MAML1: variants seen among roughly 807,000 people sequenced by gnomAD.
MAML1 encodes the protein mastermind like transcriptional coactivator 1, also known as mastermind-like protein 1.
A neutral mutation model predicts 77.1 loss-of-function variants in MAML1; 14 were observed. The ratio of observed to expected loss-of-function variants is 0.18; its 90% CI spans 0.12 to 0.28. The LOEUF (loss-of-function observed/expected upper bound fraction) is 0.28, where lower values mean the gene tolerates loss of function less well. Ranked by LOEUF, MAML1 falls within the 10% of genes least tolerant of loss-of-function variation. The pLI, the probability that MAML1 is intolerant of heterozygous loss-of-function variation, is 1.00. For missense variants in MAML1, 1,217 were observed against 1,327.8 expected (o/e 0.92, Z 1.30); for synonymous variants, 516 against 551.9 (o/e 0.93, Z 0.91).
chr5:179,761,237 C>CA (rs1310272910), intron 1 of MAML1, among the ~76,000 whole-genome samples: 2 of 151,394 alleles, frequency 1.3e-5, no homozygotes, highest in Non-Finnish European at 2.9e-5. Flanking sequence ...TCCACAAAAG[C>CA]AAAAAAATTA....
At chr5:179,768,140 T>C (rs1362662708) in intron 2 of MAML1, among the ~76,000 whole-genome samples, 1 of 152,224 alleles carries the variant, frequency 6.6e-6, no homozygotes, top group African/African-American at 2.4e-5. Flanking sequence ...GTGGTCTCCA[T>C]TGACCAAAGC....
At chr5:179,759,477 T>G (rs1779685174) in intron 1 of MAML1, among the ~76,000 whole-genome samples, 1 of 152,232 alleles carries the variant, frequency 6.6e-6, no homozygotes, top group African/African-American at 2.4e-5. Context: ...AGCACATGAC[T>G]TAAGTCAGGA....
intron 1 of MAML1, among the ~76,000 whole-genome samples, chr5:179,748,780 A>G (rs1779430576): frequency 6.6e-6 from 1 of 152,226 alleles, no homozygotes; most frequent in Non-Finnish European, 1.5e-5. Context: ...GGAGGGTACC[A>G]GGTCACATAT....
chr5:179,771,054 T>C lies in MAML1; in HGVS notation c.1972-93T>C. 1.1e-6 allele frequency: 1 copy of C among 902,748 alleles called. No individual in the cohort carries two copies. The highest frequency in any genetic ancestry group is 1.4e-5 in the South Asian group (1 of 73,312). 55.9% of individuals were successfully genotyped at this position (902,748 alleles called of 1,614,324 possible). A position where few individuals can be genotyped will look rare whatever the true frequency, so the allele number is the denominator to read the frequency against. On this transcript the variant is annotated intron_variant, in intron 3 of 4. Coordinates refer to ENST00000292599, the MANE Select transcript of MAML1 (RefSeq NM_014757.5). This position sits in a 1 kb window ranked among gnomAD's most constrained non-coding sequence, Gnocchi z 4.7. ...GGAGCCCATTTGTGAGTAACAAACTTGGATAAGTTACTTTTCTCTGACCTC... is the reference window on the plus strand; with the variant it reads ...GGAGCCCATTTGTGAGTAACAAACTCGGATAAGTTACTTTTCTCTGACCTC...
intron 1 of MAML1, among the ~76,000 whole-genome samples, chr5:179,737,105 T>A (rs769750549): frequency 2.0e-5 from 3 of 152,234 alleles, no homozygotes; most frequent in Non-Finnish European, 4.4e-5. Context: ...AAATTAATTC[T>A]GAGTGTGTTA....
At chr5:179,749,812 G>A (rs1581930588) in intron 1 of MAML1, among the ~76,000 whole-genome samples, 2 of 152,122 alleles carry the variant, frequency 1.3e-5, no homozygotes, top group Non-Finnish European at 2.9e-5. Context: ...AGAGGTGAAG[G>A]CAGGCCATGG....
intron 1 of MAML1, among the ~76,000 whole-genome samples, chr5:179,763,305 G>A (rs1779755368): frequency 1.3e-5 from 2 of 152,182 alleles, no homozygotes; most frequent in African/African-American, 2.4e-5. Context: ...TTTTATGTGC[G>A]TGGTTCCCTT....
Position 179,775,686 on chromosome 5 carries a change from T to A in MAML1, c.*809T>A. 1.0e-6 allele frequency: 1 copy of A among 985,434 alleles called. No homozygotes were observed. The highest frequency in any genetic ancestry group is 1.1e-4 in the East Asian group (1 of 8,812). The allele number at this position is 985,434 out of a possible 1,614,324, so 61.0% of individuals were successfully genotyped here. A position where few individuals can be genotyped will look rare whatever the true frequency, so the allele number is the denominator to read the frequency against. Reference sequence around the variant, plus strand: ...GGAAGGTAGAGATGTGGGGGTCCTGTATCCTGGAGTATTATGTCTCCCCAC... The same window carrying A: ...GGAAGGTAGAGATGTGGGGGTCCTGAATCCTGGAGTATTATGTCTCCCCAC... On this transcript the variant is annotated 3_prime_UTR_variant, in exon 5 of 5. Transcript: ENST00000292599.
intron 1 of MAML1, among the ~76,000 whole-genome samples, chr5:179,759,318 A>C (rs1451410518): frequency 6.6e-6 from 1 of 152,186 alleles, no homozygotes; most frequent in Non-Finnish European, 1.5e-5. Flanking sequence ...TAATTTTCTC[A>C]GTTTCAGTGG....
intron 1 of MAML1, among the ~76,000 whole-genome samples, chr5:179,746,672 C>G (rs1779389998): frequency 6.6e-6 from 1 of 152,134 alleles, no homozygotes; most frequent in Admixed American, 6.5e-5. Context: ...CACACCTAGC[C>G]AGCAATGTTA....
chr5:179,752,200 C>A (rs1219310860), intron 1 of MAML1, among the ~76,000 whole-genome samples: 1 of 150,954 alleles, frequency 6.6e-6, no homozygotes. Context: ...GTGGCGCACG[C>A]CTGTAGTCCC....
chr5:179,765,512 T>C lies in MAML1; in HGVS notation c.502T>C (p.Ser168Pro). 1 of 1,614,128 alleles carries C rather than the reference T, an allele frequency of 6.2e-7. No individual in the cohort carries two copies. The highest frequency in any genetic ancestry group is 8.5e-7 in the Non-Finnish European group (1 of 1,180,008). ...CCCCCTCGGTCAGTCTGACAAGCCTTCTGGAGCCGACGCCCTGCAGTCCAG... is the reference window on the plus strand; with the variant it reads ...CCCCCTCGGTCAGTCTGACAAGCCTCCTGGAGCCGACGCCCTGCAGTCCAG... ...ASPLGQSDKP[S>P]GADALQSSGK... is the part of the protein sequence containing the mutation. Residue 168 changes from serine to proline, a missense_variant, in exon 2 of 5, where the codon TCT becomes CCT. Physicochemically the swap from Ser to Pro is moderately conservative, Grantham distance 74. Around this residue, in one of 3 missense-constraint regions of MAML1, gnomAD observed 312 missense variants for 331.4 expected, o/e 0.94. Transcript: ENST00000292599.
rs1249588375 is a variant in MAML1, at chr5:179,747,844, TC to T, written c.315+14418del. ...AAAAAAAAAAAGAAGGAAATACTGT[TC>T]TGTGCTGCAACATGATCTTTGAGGA... is the stretch of plus-strand genomic sequence containing the variant. On this transcript the variant is annotated intron_variant, in intron 1 of 4. Coordinates refer to ENST00000292599, the MANE Select transcript of MAML1 (RefSeq NM_014757.5). Among the ~76,000 whole-genome samples, 6 of 139,930 alleles carry T rather than the reference TC, an allele frequency of 4.3e-5. No individual in the cohort carries two copies. The East Asian group carries it at 1.3e-3, about 29-fold the overall frequency. 91.8% of individuals were successfully genotyped at this position (139,930 alleles called of 152,430 possible).
At position 179,769,004 on chromosome 5, in the gene MAML1, A is replaced by T. The variant is rs1009751715; in HGVS notation, c.1886A>T (p.Asp629Val). The T allele has an allele frequency of 6.2e-7, 1 of 1,614,216 alleles. No homozygotes were observed. Among genetic ancestry groups the T allele is most frequent in the African/African-American group, 1.3e-5 (1 of 75,052 alleles). The change falls in exon 3 of 5, where the codon GAC (aspartate) becomes GTC (valine). Residue 629 changes from aspartate (D) to valine (V), a missense_variant. Coordinates refer to ENST00000292599, the MANE Select transcript of MAML1 (RefSeq NM_014757.5). This position sits in a 1 kb window ranked among gnomAD's most constrained non-coding sequence, Gnocchi z 4.2. ...ATGAAGCAGCATCAGTTGCTTTTGG[A>T]CCAACAGAAACAAAGGGAGCAGCAG... is the stretch of plus-strand genomic sequence containing the variant. The part of the protein sequence containing the change: ...AVMKQHQLLL[D>V]QQKQREQQQK...
chr5:179,776,626 G>A lies in MAML1; in HGVS notation c.*1749G>A, dbSNP rs113736712. On this transcript the variant is annotated 3_prime_UTR_variant, in exon 5 of 5. Transcript: ENST00000292599. ...TCTGAAGGGGAAGAGGGTGACCTCA[G>A]CGGCTTTTCTCCCAAAAATCGGCTG... is the stretch of plus-strand genomic sequence containing the variant. 1.6e-4 allele frequency: 158 copies of A among 985,566 alleles called. No homozygotes were observed. The highest frequency in any genetic ancestry group is 1.9e-4 in the Non-Finnish European group (155 of 829,964). The allele number at this position is 985,566 out of a possible 1,614,324, so 61.1% of individuals were successfully genotyped here. A position where few individuals can be genotyped will look rare whatever the true frequency, so the allele number is the denominator to read the frequency against.
At chr5:179,744,393 G>A (rs572674438) in intron 1 of MAML1, among the ~76,000 whole-genome samples, 7 of 152,010 alleles carry the variant, frequency 4.6e-5, no homozygotes, top group Non-Finnish European at 8.8e-5. Flanking sequence ...CACAATGTTG[G>A]CCAGGCTGGT....
chr5:179,744,964 C>T (rs1018866387), intron 1 of MAML1, among the ~76,000 whole-genome samples: 3 of 151,438 alleles, frequency 2.0e-5, no homozygotes, highest in African/African-American at 7.3e-5. Context: ...TGCAGTGGCA[C>T]AATCTCGGCT....
chr5:179,740,151 C>CT (rs984966918), intron 1 of MAML1, among the ~76,000 whole-genome samples: 4 of 152,276 alleles, frequency 2.6e-5, no homozygotes, highest in South Asian at 4.1e-4. Flanking sequence ...TACCAAGTGT[C>CT]TGAGTTAGGA....
chr5:179,773,860 G>A (rs767284975), intron 4 of MAML1, 35 bp from the exon 5 acceptor site: 2 of 1,580,110 alleles, frequency 1.3e-6, no homozygotes, highest in Non-Finnish European at 1.7e-6. Context: ...AGTGGTGGTC[G>A]ACTCCTGACT....
Sources: allele counts gnomAD v4.1 joint callset (sites outside exome capture counted in the v4.1 genomes callset), GRCh38; gene constraint gnomAD v4.1.1; regional missense constraint gnomAD v4.1.1; non-coding constraint Gnocchi (gnomAD v3.1); transcripts MANE v1.5; gene names NCBI Gene and HGNC (gene_info 2026-07-23, HGNC 2026-07-21).